Variants in SYT7 observed in about 807,000 individuals in gnomAD.
SYT7 encodes synaptotagmin-7.
In SYT7, 29 loss-of-function variants were observed where a neutral mutation model predicts 75.1. The ratio of observed to expected loss-of-function variants is 0.39; its 90% CI spans 0.29 to 0.53. The LOEUF (loss-of-function observed/expected upper bound fraction) is 0.53. SYT7 is among the 20% of genes least tolerant of loss of function. The probability of loss-of-function intolerance (pLI) is 0.77; values close to 1 mark genes in which losing one functional copy is unlikely to be tolerated. For synonymous variants in SYT7, 376 were observed against 401.7 expected (o/e 0.94, Z 0.76); for missense variants, 693 against 953.2 (o/e 0.73, Z 3.59).
At position 61,563,043 on chromosome 11, in the gene SYT7, CA is replaced by C. The variant is rs146273029; in HGVS notation, c.32-6837del. ...GCACACAGGCCACAGACACAAGCCA[CA>C]GAGACTCACCCTGGCACAGACACCC... is the stretch of plus-strand genomic sequence containing the variant. On this transcript the variant is annotated intron_variant, in intron 1 of 12. Coordinates refer to ENST00000539008, the MANE Select transcript of SYT7 (RefSeq NM_001365809.2). Among the ~76,000 whole-genome samples, 437 of 152,278 alleles carry C rather than the reference CA, an allele frequency of 2.9e-3. 16 individuals are homozygous for C. In the East Asian group the frequency reaches 0.07, roughly 24 times the overall value.
At position 61,580,980 on chromosome 11, in the gene SYT7, G is replaced by A. The variant is rs1341145974; in HGVS notation, c.-160C>T. The A allele has an allele frequency of 1.4e-5, 14 of 977,550 alleles. No individual in the cohort carries two copies. Among genetic ancestry groups the A allele is most frequent in the Non-Finnish European group, 1.6e-5 (13 of 824,592 alleles). 60.6% of individuals were successfully genotyped at this position (977,550 alleles called of 1,614,324 possible). A position where few individuals can be genotyped will look rare whatever the true frequency, so the allele number is the denominator to read the frequency against. ...CCTAGCCGCGGAGCCGGGGAGCGGG[G>A]GCCGCCCGCCAGCCCTCCCGCCCGC... On this transcript the variant is annotated 5_prime_UTR_variant, in exon 1 of 13. Transcript: ENST00000539008. The surrounding 1 kb of genome is among the most constrained non-coding windows in gnomAD (Gnocchi z 6.1).
At chr11:61,561,370 G>A (rs1430927401) in intron 1 of SYT7, among the ~76,000 whole-genome samples, 1 of 152,230 alleles carries the variant, frequency 6.6e-6, no homozygotes, top group Non-Finnish European at 1.5e-5. Flanking sequence ...GCTGGGGCAG[G>A]CTGCTGCCCC....
At chr11:61,536,484 G>A (rs756635897) in intron 7 of SYT7, among the ~76,000 whole-genome samples, 6 of 152,134 alleles carry the variant, frequency 3.9e-5, no homozygotes, top group Admixed American at 2.0e-4. Context: ...CCTGGCCCCC[G>A]GCCCTCCCAG....
chr11:61,556,240 T>C (rs895150228), intron 1 of SYT7, 33 bp from the exon 2 acceptor site: 2 of 1,577,816 alleles, frequency 1.3e-6, no homozygotes, highest in Non-Finnish European at 1.7e-6. Flanking sequence ...ACACCCTCAT[T>C]GGCCAGGGCC....
chr11:61,552,190 C>A (rs1056350206), intron 2 of SYT7, among the ~76,000 whole-genome samples: 4 of 152,232 alleles, frequency 2.6e-5, no homozygotes. Context: ...GGGCCGTGGC[C>A]ACAGCGGCAA....
rs201588382 is a variant in SYT7, at chr11:61,534,304, A to G, written c.1065-1180T>C. On this transcript the variant is annotated intron_variant, in intron 7 of 12. Coordinates refer to ENST00000539008, the MANE Select transcript of SYT7 (RefSeq NM_001365809.2). ...AGGTGACCACGACAGGCACAGACAG[A>G]CATGCATGGAATATGCCAGGCCCTG... Among the ~76,000 whole-genome samples, 3 of 152,248 alleles carry G rather than the reference A, an allele frequency of 2.0e-5. No individual in the cohort carries two copies. The East Asian group carries it at 5.8e-4, about 29-fold the overall frequency.
chr11:61,585,017 C>T (rs1369506227), upstream of SYT7, among the ~76,000 whole-genome samples: 5 of 152,262 alleles, frequency 3.3e-5, no homozygotes, highest in African/African-American at 9.6e-5. Flanking sequence ...GCAGACCCTT[C>T]AGGCCTGTTT....
rs535407056 is a variant in SYT7 at position 61,576,554 on chromosome 11, G to A, written c.31+4236C>T. The stretch of plus-strand genomic sequence containing the variant: ...TCTCCAGCTGGGGGTCATCAGCTCC[G>A]GACTGGGCCTCCCGCCCCCACGTGA... On this transcript the variant is annotated intron_variant, in intron 1 of 12. Coordinates refer to ENST00000539008, the MANE Select transcript of SYT7 (RefSeq NM_001365809.2). This position sits in a 1 kb window ranked among gnomAD's most constrained non-coding sequence, Gnocchi z 4.1. Among the ~76,000 whole-genome samples, 2 of 152,330 alleles carry A rather than the reference G, an allele frequency of 1.3e-5. No homozygotes were observed. The highest frequency in any genetic ancestry group is 2.1e-4 in the South Asian group (1 of 4,830).
intron 7 of SYT7, among the ~76,000 whole-genome samples, chr11:61,536,441 G>C (rs2062872566): frequency 1.3e-5 from 2 of 152,196 alleles, no homozygotes; most frequent in Admixed American, 6.5e-5. Flanking sequence ...GGCGTTCAGA[G>C]GACGCCAGCC....
At chr11:61,527,007 C>T (rs774342286) in intron 9 of SYT7, among the ~76,000 whole-genome samples, 10 of 152,096 alleles carry the variant, frequency 6.6e-5, no homozygotes, top group Non-Finnish European at 1.3e-4. Flanking sequence ...CAAAGGGTTA[C>T]GGTTTGTCTA....
chr11:61,556,723 T>C (rs996271382), intron 1 of SYT7, among the ~76,000 whole-genome samples: 7 of 152,216 alleles, frequency 4.6e-5, no homozygotes, highest in African/African-American at 1.7e-4. Context: ...ATCTGCCTCA[T>C]GGCACTAGCC....
Position 61,538,261 on chromosome 11 carries a change from C to T in SYT7, c.947G>A (p.Gly316Asp). 1 of 1,533,118 alleles carries T rather than the reference C, an allele frequency of 6.5e-7. No individual in the cohort carries two copies. Among genetic ancestry groups the T allele is most frequent in the South Asian group, 1.2e-5 (1 of 84,002 alleles). The allele number at this position is 1,533,118 out of a possible 1,614,324, so 95.0% of individuals were successfully genotyped here. The stretch of plus-strand genomic sequence containing the variant: ...GACCAAGGATAGCACCACCATCCGG[C>T]CTTCCCTGCCCGGGGAGGGCAGCCC... Reference protein sequence around the residue: ...RGLDMKSFLEGRMVVLSLVLG... With the variant: ...RGLDMKSFLEDRMVVLSLVLG... Residue 316 changes from glycine to aspartate, a missense_variant, in exon 7 of 13, where the codon GGC becomes GAC. Physicochemically the swap from Gly to Asp is moderately conservative, Grantham distance 94 (BLOSUM62 -1). Transcript: ENST00000539008.
rs558983488 is a variant in SYT7, at chr11:61,542,071, G to T, written c.941+140C>A. 41 of 1,168,770 alleles carry T rather than the reference G, an allele frequency of 3.5e-5. No individual in the cohort carries two copies. The East Asian group carries it at 1.1e-3, about 30-fold the overall frequency. The allele number at this position is 1,168,770 out of a possible 1,614,324, so 72.4% of individuals were successfully genotyped here. On this transcript the variant is annotated intron_variant, in intron 6 of 12. Coordinates refer to ENST00000539008, the MANE Select transcript of SYT7 (RefSeq NM_001365809.2). This position sits in a 1 kb window ranked among gnomAD's most constrained non-coding sequence, Gnocchi z 7.8. ...AGGAGCCACAAGAGGCTAAGGAGGG[G>T]GCTGCCAAGTCTGCTTGGCACCCTG...
In SYT7 at chr11:61,540,733, A is replaced by C. The variant is rs1232425306; in HGVS notation, c.941+1478T>G. ...GAAGTAGGGTGACAGCTGTGATAAG[A>C]CAGTCTGAGGTGGGGAGGAGCAAGG... On this transcript the variant is annotated intron_variant, in intron 6 of 12. Coordinates refer to ENST00000539008, the MANE Select transcript of SYT7 (RefSeq NM_001365809.2). 10 of 985,490 alleles carry C rather than the reference A, an allele frequency of 1.0e-5. No homozygotes were observed. The East Asian group carries it at 1.1e-3, about 112-fold the overall frequency. The allele number at this position is 985,490 out of a possible 1,614,324, so 61.0% of individuals were successfully genotyped here.
At chr11:61,522,164 G>C (rs1289183763) in intron 12 of SYT7, among the ~76,000 whole-genome samples, 3 of 150,308 alleles carry the variant, frequency 2.0e-5, no homozygotes, top group Non-Finnish European at 4.4e-5. Flanking sequence ...TGAATTTTTT[G>C]GTTACGTGAT....
At position 61,513,820 on chromosome 11, in the gene SYT7, G is replaced by A. The variant is rs111604971; in HGVS notation, c.*4807C>T. Among the ~76,000 whole-genome samples, 1,309 of 152,284 alleles carry A rather than the reference G, an allele frequency of 8.6e-3. 12 individuals carry two copies. Among genetic ancestry groups the A allele is most frequent in the African/African-American group, 0.02 (826 of 41,540 alleles). The stretch of plus-strand genomic sequence containing the variant: ...GGGGCTCACAATCTACACAAGACAC[G>A]ACACATACACGCAGGACACAGACAC... On this transcript the variant is annotated 3_prime_UTR_variant, in exon 13 of 13. Transcript: ENST00000539008.
chr11:61,538,892 C>T (rs1224623087), intron 6 of SYT7, among the ~76,000 whole-genome samples: 1 of 152,202 alleles, frequency 6.6e-6, no homozygotes, highest in Non-Finnish European at 1.5e-5. Flanking sequence ...AACCAGATGT[C>T]CTTGAAGCCA....
At chr11:61,547,906 C>G (rs1157782215) in intron 3 of SYT7, among the ~76,000 whole-genome samples, 1 of 152,242 alleles carries the variant, frequency 6.6e-6, no homozygotes, top group East Asian at 1.9e-4. Flanking sequence ...CTCTCCTCTT[C>G]CACCTTCTCC....
At chr11:61,569,246 C>A (rs2063854626) in intron 1 of SYT7, among the ~76,000 whole-genome samples, 1 of 152,174 alleles carries the variant, frequency 6.6e-6, no homozygotes, top group Non-Finnish European at 1.5e-5. Context: ...CTGGACTGAC[C>A]CTTTTCTCAA....
Sources: gnomAD v4.1 joint callset for allele counts (sites outside exome capture counted in the v4.1 genomes callset) on GRCh38, gnomAD v4.1.1 for gene constraint, Gnocchi (gnomAD v3.1) non-coding constraint, MANE v1.5 for transcripts, NCBI Gene and HGNC (gene_info 2026-07-23, HGNC 2026-07-21) for gene names.